Variants in EYA4 observed in about 807,000 individuals in gnomAD.
EYA4 encodes the protein EYA transcriptional coactivator and phosphatase 4, also known as protein phosphatase EYA4.
Under a neutral mutation model 87.9 loss-of-function variants are expected in EYA4, and 31 were observed. That is an observed-to-expected ratio of 0.35 (90% CI 0.27 to 0.48). EYA4 has a LOEUF of 0.48. EYA4 is among the 20% of genes least tolerant of loss of function. The probability of loss-of-function intolerance (pLI) is 0.99; values close to 1 mark genes in which losing one functional copy is unlikely to be tolerated. For missense variants in EYA4, 678 were observed against 761.4 expected (o/e 0.89, Z 1.29); for synonymous variants, 263 against 270.6 (o/e 0.97, Z 0.28).
chr6:133,343,709 A>G (rs1782987564), intron 2 of EYA4, among the ~76,000 whole-genome samples: 1 of 151,962 alleles, frequency 6.6e-6, no homozygotes, highest in Non-Finnish European at 1.5e-5. Flanking sequence ...AAGTGTTTAC[A>G]TATTCATTTT....
chr6:133,425,116 A>G (rs1330742519), intron 3 of EYA4, among the ~76,000 whole-genome samples: 1 of 150,796 alleles, frequency 6.6e-6, no homozygotes, highest in East Asian at 2.0e-4. Context: ...CTATTAATGG[A>G]CATTTGTGTT....
intron 3 of EYA4, among the ~76,000 whole-genome samples, chr6:133,424,271 G>T (rs114157717): frequency 0.012 from 1,837 of 152,270 alleles, 39 homozygotes; most frequent in African/African-American, 0.04. Context: ...GGTGGCCATT[G>T]GTGGCCCAGA....
intron 2 of EYA4, among the ~76,000 whole-genome samples, chr6:133,333,046 ATTCTT>A: frequency 6.6e-6 from 1 of 152,100 alleles, no homozygotes; most frequent in South Asian, 2.1e-4. Flanking sequence ...ACATCCATTG[ATTCTT>A]TCAATATTGT....
chr6:133,514,214 A>G (rs370645965), intron 16 of EYA4, among the ~76,000 whole-genome samples: 2 of 152,192 alleles, frequency 1.3e-5, no homozygotes, highest in East Asian at 3.8e-4. Flanking sequence ...TGCTGGGGAG[A>G]ATCTCTGATT....
chr6:133,284,555 G>A (rs1486262350), intron 2 of EYA4, among the ~76,000 whole-genome samples: 1 of 152,180 alleles, frequency 6.6e-6, no homozygotes, highest in Non-Finnish European at 1.5e-5. Flanking sequence ...ATTCAATTAA[G>A]TAAGCATTTC....
At chr6:133,442,655 A>G (rs1792421664) in intron 3 of EYA4, among the ~76,000 whole-genome samples, 1 of 151,996 alleles carries the variant, frequency 6.6e-6, no homozygotes, top group Admixed American at 6.6e-5. Flanking sequence ...AACTTTGCTT[A>G]TTTTATTTAT....
chr6:133,356,576 G>A (rs1350216019), intron 2 of EYA4, among the ~76,000 whole-genome samples: 2 of 151,982 alleles, frequency 1.3e-5, no homozygotes, highest in East Asian at 1.9e-4. Flanking sequence ...TGAAGTGATC[G>A]TAGTGTCTAC....
chr6:133,512,733 G>C lies in EYA4; in HGVS notation c.1294G>C (p.Val432Leu), dbSNP rs145253833. The change falls in exon 15 of 20, where the codon GTT becomes CTT. Residue 432 changes from valine (V) to leucine (L), a missense_variant. Physicochemically the swap from Val to Leu is conservative, Grantham distance 32. Coordinates refer to ENST00000355286, the MANE Select transcript of EYA4 (RefSeq NM_004100.5). ...ATGTTTTTAACAGGAGTGTGATCAA[G>C]TTCATATAGATGATGTTTCCTCTGA... is the stretch of plus-strand genomic sequence containing the variant. ...FFNDLEECDQ[V>L]HIDDVSSDDN... 3.7e-5 allele frequency: 60 copies of C among 1,611,990 alleles called. No homozygotes were observed. Among genetic ancestry groups the C allele is most frequent in the Non-Finnish European group, 5.0e-5 (59 of 1,178,138 alleles).
At position 133,531,458 on chromosome 6, in the gene EYA4, T is replaced by G. The variant is rs931996175; in HGVS notation, c.*2653T>G. 1 of 497,360 alleles carries G rather than the reference T, an allele frequency of 2.0e-6. No individual in the cohort carries two copies. Among genetic ancestry groups the G allele is most frequent in the Non-Finnish European group, 3.6e-6 (1 of 280,740 alleles). 30.8% of individuals were successfully genotyped at this position (497,360 alleles called of 1,614,324 possible). ...CCACCTCCTATTGACATATGGAATA[T>G]TGTGCCTTATTGTAAACCAGTTTGA... On this transcript the variant is annotated 3_prime_UTR_variant, in exon 20 of 20. Coordinates refer to ENST00000355286, the MANE Select transcript of EYA4 (RefSeq NM_004100.5).
At chr6:133,513,577 A>G (rs1358432159) in intron 16 of EYA4, among the ~76,000 whole-genome samples, 4 of 152,184 alleles carry the variant, frequency 2.6e-5, no homozygotes, top group African/African-American at 9.7e-5. Flanking sequence ...TATGATTATC[A>G]TAGTTTTTAA....
intron 11 of EYA4, among the ~76,000 whole-genome samples, chr6:133,478,823 C>G (rs78111930): frequency 1.3e-5 from 2 of 152,024 alleles, no homozygotes; most frequent in Non-Finnish European, 2.9e-5. Flanking sequence ...CTCTTTTCAC[C>G]CCTTTGCTGT....
intron 2 of EYA4, among the ~76,000 whole-genome samples, chr6:133,290,634 A>G (rs955663724): frequency 1.3e-5 from 2 of 152,106 alleles, no homozygotes; most frequent in Non-Finnish European, 2.9e-5. Context: ...TGCCCACTTA[A>G]TCTCCTTTTC....
chr6:133,370,293 A>G (rs1482359854), intron 2 of EYA4, among the ~76,000 whole-genome samples: 2 of 152,230 alleles, frequency 1.3e-5, no homozygotes, highest in African/African-American at 2.4e-5. Context: ...GGTAAGTTGC[A>G]TTTAGCTTTT....
chr6:133,462,178 C>G (rs1468541346), intron 7 of EYA4, 157 bp from the exon 8 acceptor site: 5 of 874,844 alleles, frequency 5.7e-6, no homozygotes, highest in Non-Finnish European at 9.2e-6. Flanking sequence ...GCCTGAGCTC[C>G]TGACATTCAG....
At chr6:133,408,909 G>A (rs1156712875) in intron 3 of EYA4, among the ~76,000 whole-genome samples, 1 of 152,148 alleles carries the variant, frequency 6.6e-6, no homozygotes, top group Non-Finnish European at 1.5e-5. Context: ...CACTTTTAGT[G>A]GAGAGTAACT....
chr6:133,474,324 G>C (rs1304957530), intron 11 of EYA4, among the ~76,000 whole-genome samples: 4 of 152,022 alleles, frequency 2.6e-5, no homozygotes, highest in African/African-American at 9.7e-5. Flanking sequence ...GAAAAACACA[G>C]ATGGTTACTT....
At chr6:133,386,952 G>C (rs1253644537) in intron 3 of EYA4, among the ~76,000 whole-genome samples, 1 of 152,292 alleles carries the variant, frequency 6.6e-6, no homozygotes, top group Middle Eastern at 3.4e-3. Context: ...AGAACTTAAT[G>C]ATTACCTGAA....
chr6:133,392,504 TC>T (rs1189741913), intron 3 of EYA4, among the ~76,000 whole-genome samples: 1 of 152,152 alleles, frequency 6.6e-6, no homozygotes, highest in Non-Finnish European at 1.5e-5. Flanking sequence ...CAACCGTGAC[TC>T]AGGTGCTTGG....
intron 2 of EYA4, among the ~76,000 whole-genome samples, chr6:133,285,321 A>G (rs1330416986): frequency 3.3e-5 from 5 of 152,128 alleles, no homozygotes; most frequent in Admixed American, 1.3e-4. Context: ...AAGACTCAAG[A>G]GAGGCGAGGA....
Sources: allele counts gnomAD v4.1 joint callset (sites outside exome capture counted in the v4.1 genomes callset), GRCh38; gene constraint gnomAD v4.1.1; transcripts MANE v1.5; gene names NCBI Gene and HGNC (gene_info 2026-07-23, HGNC 2026-07-21).